The following PRKCH variants were observed in gnomAD, a reference collection of about 807,000 sequenced individuals.
The protein encoded by PRKCH is protein kinase C eta, also known as protein kinase C eta type.
Under a neutral mutation model 82.5 loss-of-function variants are expected in PRKCH, and 28 were observed. That is an observed-to-expected ratio of 0.34 (90% CI 0.25 to 0.47). PRKCH has a LOEUF of 0.47. PRKCH is among the 20% of genes least tolerant of loss of function. PRKCH has a pLI of 1.00. For missense variants in PRKCH, 705 were observed against 881.8 expected (o/e 0.80, Z 2.54); for synonymous variants, 322 against 327.4 (o/e 0.98, Z 0.18).
rs193109272 is a variant in PRKCH at position 61,406,120 on chromosome 14, G to C, written c.427+14832G>C. On this transcript the variant is annotated intron_variant, in intron 2 of 13. Transcript: ENST00000332981. ...GTGGTTGGCCAATTTGGATATCCCT[G>C]TTGTGTCCTAAATTATACCTAATTT... Among the ~76,000 whole-genome samples, 26 of 152,220 alleles carry C rather than the reference G, an allele frequency of 1.7e-4. No individual in the cohort carries two copies. In the East Asian group the frequency reaches 4.8e-3, roughly 28 times the overall value.
intron 10 of PRKCH, among the ~76,000 whole-genome samples, chr14:61,510,235 T>A (rs536535938): frequency 6.6e-6 from 1 of 152,214 alleles, no homozygotes; most frequent in East Asian, 1.9e-4. Context: ...TTTATTTTAT[T>A]TGCCTTTCAA....
At chr14:61,224,458 G>T (rs1176188241) in intron 1 of PRKCH, among the ~76,000 whole-genome samples, 1 of 152,262 alleles carries the variant, frequency 6.6e-6, no homozygotes, top group East Asian at 1.9e-4. Flanking sequence ...ATCATGCATT[G>T]GTTGTCTTGT....
chr14:61,338,551 T>C lies in PRKCH; in HGVS notation c.363+16087T>C, dbSNP rs116957253. Among the ~76,000 whole-genome samples, 352 of 152,156 alleles carry C rather than the reference T, an allele frequency of 2.3e-3. 3 individuals carry two copies. The highest frequency in any genetic ancestry group is 3.3e-3 in the Non-Finnish European group (221 of 67,996). On this transcript the variant is annotated intron_variant, in intron 1 of 13. Coordinates refer to ENST00000332981, the MANE Select transcript of PRKCH (RefSeq NM_006255.5). ...GGGTGGTAAGAGATGGATTTCAAAA[T>C]GGGAAAAAGCGAGACTGAAACCATC...
At chr14:61,441,575 T>C (rs7161408) in intron 2 of PRKCH, among the ~76,000 whole-genome samples, 6,070 of 152,302 alleles carry the variant, frequency 0.04, 431 homozygotes, top group African/African-American at 0.14. Flanking sequence ...CTTACAGTTT[T>C]AGGAATTGCC....
rs60055073 is a variant in PRKCH, at chr14:61,210,111, A to AATAT, written c.-19+22491_-19+22494dup. Among the ~76,000 whole-genome samples the AATAT allele has an allele frequency of 2.6e-3, 229 of 87,150 alleles. 2 individuals are homozygous for AATAT. The highest frequency in any genetic ancestry group is 3.6e-3 in the Non-Finnish European group (146 of 40,132). 57.2% of individuals were successfully genotyped at this position (87,150 alleles called of 152,430 possible). A position where few individuals can be genotyped will look rare whatever the true frequency, so the allele number is the denominator to read the frequency against. On this transcript the variant is annotated intron_variant, in intron 1 of 3. Coordinates refer to the PRKCH transcript ENST00000555185. ...AAAAAACAAAACAAACAAACAAACA[A>AATAT]ATATATATATATATATATATATATA...
At chr14:61,431,040 C>T (rs182215774) in intron 2 of PRKCH, among the ~76,000 whole-genome samples, 302 of 152,330 alleles carry the variant, frequency 2.0e-3, no homozygotes, top group African/African-American at 4.6e-3. Flanking sequence ...AGGCGTGAGC[C>T]GCGGCACCCG....
At chr14:61,412,157 C>G (rs1372674816) in intron 2 of PRKCH, among the ~76,000 whole-genome samples, 2 of 152,126 alleles carry the variant, frequency 1.3e-5, no homozygotes, top group Non-Finnish European at 2.9e-5. Context: ...CCAAAAATTA[C>G]CAGATGTACA....
intron 10 of PRKCH, among the ~76,000 whole-genome samples, chr14:61,522,910 C>T (rs990018324): frequency 3.3e-5 from 5 of 152,252 alleles, no homozygotes; most frequent in Admixed American, 1.3e-4. Flanking sequence ...GTCTAACTCA[C>T]GATGAAACCA....
At chr14:61,467,114 G>A (rs1885296781) in intron 9 of PRKCH, among the ~76,000 whole-genome samples, 1 of 152,172 alleles carries the variant, frequency 6.6e-6, no homozygotes, top group Admixed American at 6.5e-5. Context: ...GAGCAGCCAG[G>A]CAGCAAGGTA....
At chr14:61,527,390 G>A (rs1244258595) in intron 10 of PRKCH, among the ~76,000 whole-genome samples, 1 of 152,144 alleles carries the variant, frequency 6.6e-6, no homozygotes, top group Non-Finnish European at 1.5e-5. Flanking sequence ...AAACCCAGAA[G>A]TCATCATTTC....
At chr14:61,332,982 C>A (rs1003488500) in intron 1 of PRKCH, among the ~76,000 whole-genome samples, 1 of 152,174 alleles carries the variant, frequency 6.6e-6, no homozygotes, top group African/African-American at 2.4e-5. Flanking sequence ...AAATTCTGCT[C>A]CCTTCTGAAA....
intron 1 of PRKCH, among the ~76,000 whole-genome samples, chr14:61,249,424 A>G (rs2044919621): frequency 6.6e-6 from 1 of 151,896 alleles, no homozygotes; most frequent in Non-Finnish European, 1.5e-5. Flanking sequence ...TCACTTTGGC[A>G]GCACATATAC....
At position 61,335,610 on chromosome 14, in the gene PRKCH, T is replaced by C. The variant is rs566284115; in HGVS notation, c.363+13146T>C. 8.3e-4 allele frequency among the ~76,000 whole-genome samples: 126 copies of C among 152,338 alleles called. 1 individual carries two copies. In the Middle Eastern group the frequency reaches 0.02, roughly 25 times the overall value. ...AACCCCCCCATCTGCCAAAACTAGATATAATTGATTCTTGCTTAATTCTGA... is the reference window on the plus strand; with the variant it reads ...AACCCCCCCATCTGCCAAAACTAGACATAATTGATTCTTGCTTAATTCTGA... On this transcript the variant is annotated intron_variant, in intron 1 of 13. Transcript: ENST00000332981.
intron 1 of PRKCH, among the ~76,000 whole-genome samples, chr14:61,273,684 C>T (rs555939618): frequency 4.6e-5 from 7 of 152,336 alleles, no homozygotes; most frequent in African/African-American, 1.7e-4. Flanking sequence ...ATGGGATACG[C>T]TGAGCATTTC....
chr14:61,285,425 G>A (rs892262442), intron 1 of PRKCH, among the ~76,000 whole-genome samples: 2 of 152,212 alleles, frequency 1.3e-5, no homozygotes, highest in African/African-American at 4.8e-5. Context: ...ATATAACTGT[G>A]TGACCTTGGT....
intron 2 of PRKCH, among the ~76,000 whole-genome samples, chr14:61,440,477 G>C: frequency 6.6e-6 from 1 of 152,182 alleles, no homozygotes; most frequent in East Asian, 1.9e-4. Flanking sequence ...AGATGTTGGT[G>C]TCTTGGCCAA....
At chr14:61,504,644 C>T (rs1487523953) in intron 10 of PRKCH, among the ~76,000 whole-genome samples, 1 of 152,176 alleles carries the variant, frequency 6.6e-6, no homozygotes, top group African/African-American at 2.4e-5. Context: ...ATTTCTCCAG[C>T]ATTTTCCTTT....
chr14:61,488,899 A>T (rs901345043), intron 10 of PRKCH, among the ~76,000 whole-genome samples: 8 of 152,116 alleles, frequency 5.3e-5, no homozygotes, highest in African/African-American at 1.9e-4. Context: ...ATTTTAATTT[A>T]CTCTTGGACT....
At position 61,359,243 on chromosome 14, in the gene PRKCH, C is replaced by T. The variant is rs150661921; in HGVS notation, c.364-31982C>T. Among the ~76,000 whole-genome samples, 463 of 152,266 alleles carry T rather than the reference C, an allele frequency of 3.0e-3. 1 individual carries two copies. The highest frequency in any genetic ancestry group is 0.01 in the African/African-American group (431 of 41,552). On this transcript the variant is annotated intron_variant, in intron 1 of 13. Coordinates refer to ENST00000332981, the MANE Select transcript of PRKCH (RefSeq NM_006255.5). Reference sequence around the variant, plus strand: ...ACCACAATGCTCTGGGGCAGTGCTGCGTATCAGAGGTTCAAGCCATGGCTG... The same window carrying T: ...ACCACAATGCTCTGGGGCAGTGCTGTGTATCAGAGGTTCAAGCCATGGCTG...
Sources: allele counts gnomAD v4.1 joint callset (sites outside exome capture counted in the v4.1 genomes callset), GRCh38; gene constraint gnomAD v4.1.1; transcripts MANE v1.5; gene names NCBI Gene and HGNC (gene_info 2026-07-23, HGNC 2026-07-21).